SMTN: variants seen among roughly 807,000 people sequenced by gnomAD.
SMTN encodes smoothelin.
In SMTN, 58 loss-of-function variants were observed where a neutral mutation model predicts 102.0. The ratio of observed to expected loss-of-function variants is 0.57; its 90% CI spans 0.46 to 0.71. SMTN has a LOEUF of 0.71. Among genes scored for constraint, SMTN ranks in the 30% least tolerant of loss-of-function variants. SMTN has a pLI of 0.00. For synonymous variants in SMTN, 478 were observed against 497.9 expected, an observed-to-expected ratio of 0.96 and a Z score of 0.53; for missense variants, 1,185 against 1,241.7, an observed-to-expected ratio of 0.95 and a Z score of 0.69.
Position 31,104,360 on chromosome 22 carries a change from T to A in SMTN, c.*65T>A. The stretch of plus-strand genomic sequence containing the variant: ...CCCCTGGTGGAGGTGGACGACATGA[T>A]GATCATGGGCAAGAAGCCTGACCCC... On this transcript the variant is annotated 3_prime_UTR_variant, in exon 21 of 21. Coordinates refer to ENST00000333137, the MANE Select transcript of SMTN (RefSeq NM_134269.3). 6.2e-7 allele frequency: 1 copy of A among 1,614,126 alleles called. No individual in the cohort carries two copies. Among genetic ancestry groups the A allele is most frequent in the Non-Finnish European group, 8.5e-7 (1 of 1,180,000 alleles).
intron 15 of SMTN, 34 bp downstream of exon 15, chr22:31,097,094 G>A (rs2147775173): frequency 6.2e-7 from 1 of 1,602,790 alleles, no homozygotes; most frequent in Non-Finnish European, 8.5e-7. Context: ...GTGCCTGCCT[G>A]CCTGTCCGCC....
intron 11 of SMTN, chr22:31,093,929 C>A: frequency 1.6e-6 from 2 of 1,250,422 alleles, no homozygotes; most frequent in Non-Finnish European, 2.2e-6. Context: ...GCTCTGCCTC[C>A]TCTTGACTTT....
chr22:31,100,577 G>A (rs1475552365), intron 19 of SMTN, among the ~76,000 whole-genome samples: 6 of 143,616 alleles, frequency 4.2e-5, no homozygotes, highest in African/African-American at 1.0e-4. Context: ...CCCCCACCCC[G>A]CGTTCCCGCT....
At chr22:31,083,814 T>A (rs543218081) in intron 2 of SMTN, among the ~76,000 whole-genome samples, 1 of 152,238 alleles carries the variant, frequency 6.6e-6, no homozygotes, top group South Asian at 2.1e-4. Flanking sequence ...AGGACACCCA[T>A]CTAAGAAGGA....
At chr22:31,074,333 T>G (rs2042078003) in intron 1 of SMTN, among the ~76,000 whole-genome samples, 4 of 152,200 alleles carry the variant, frequency 2.6e-5, no homozygotes, top group Admixed American at 2.0e-4. Flanking sequence ...TGTGCCATGA[T>G]CGCACCACTG....
At chr22:31,086,100 C>T (rs2042680833) in intron 2 of SMTN, among the ~76,000 whole-genome samples, 1 of 152,214 alleles carries the variant, frequency 6.6e-6, no homozygotes, top group African/African-American at 2.4e-5. Context: ...AGGCCTGAGA[C>T]ACAGCCAGCA....
intron 3 of SMTN, 43 bp from the exon 4 acceptor site, chr22:31,088,470 C>T (rs754209290): frequency 6.4e-7 from 1 of 1,560,512 alleles, no homozygotes; most frequent in South Asian, 1.1e-5. Context: ...TCCTCCACGA[C>T]CTGGCCATGG....
At chr22:31,069,042 T>G (rs1849844821) in intron 1 of SMTN, among the ~76,000 whole-genome samples, 1 of 152,144 alleles carries the variant, frequency 6.6e-6, no homozygotes, top group South Asian at 2.1e-4. Flanking sequence ...TATGAAGCCC[T>G]AAGCGATTCA....
At chr22:31,079,058 C>A (rs1286934961), upstream of SMTN, among the ~76,000 whole-genome samples, 3 of 152,208 alleles carry the variant, frequency 2.0e-5, no homozygotes, top group Non-Finnish European at 4.4e-5. Context: ...CCTTCACCTC[C>A]CTGAGCTTCA....
chr22:31,080,287 C>T (rs1246332289), upstream of SMTN, among the ~76,000 whole-genome samples: 1 of 152,204 alleles, frequency 6.6e-6, no homozygotes, highest in Non-Finnish European at 1.5e-5. Flanking sequence ...GGTCTGGACT[C>T]AGAAGGTGCT....
chr22:31,095,191 T>C lies in SMTN; in HGVS notation c.1633-112T>C. On this transcript the variant is annotated intron_variant, in intron 11 of 20. Coordinates refer to ENST00000333137, the MANE Select transcript of SMTN (RefSeq NM_134269.3). The surrounding 1 kb of genome is among the most constrained non-coding windows in gnomAD (Gnocchi z 4.1). ...GGCAGGCAGGCTGGCAGGCTAGTGG[T>C]TATTTCCAAGGCGTGCCAGCAACCC... 8.9e-7 allele frequency: 1 copy of C among 1,127,708 alleles called. No homozygotes were observed. Among genetic ancestry groups the C allele is most frequent in the Non-Finnish European group, 1.3e-6 (1 of 789,384 alleles). 69.9% of individuals were successfully genotyped at this position (1,127,708 alleles called of 1,614,324 possible). A position where few individuals can be genotyped will look rare whatever the true frequency, so the allele number is the denominator to read the frequency against.
At chr22:31,103,275 A>G (rs1602691818) in intron 20 of SMTN, 1 of 152,324 alleles carries the variant, frequency 6.6e-6, no homozygotes, top group African/African-American at 2.4e-5. Context: ...TGCCATAGGA[A>G]ACTCATTCAG....
intron 19 of SMTN, among the ~76,000 whole-genome samples, chr22:31,100,534 C>T (rs1271032801): frequency 2.6e-5 from 4 of 151,992 alleles, no homozygotes; most frequent in African/African-American, 9.7e-5. Context: ...CGGGGCACAG[C>T]CCTCCTCTCC....
intron 1 of SMTN, among the ~76,000 whole-genome samples, chr22:31,074,725 A>C (rs2042087280): frequency 6.6e-6 from 1 of 152,178 alleles, no homozygotes; most frequent in African/African-American, 2.4e-5. Flanking sequence ...TGAACCCAGG[A>C]AGCGGAGGTT....
chr22:31,090,280 G>C (rs2043023729), intron 8 of SMTN, 100 bp downstream of exon 8: 1 of 930,356 alleles, frequency 1.1e-6, no homozygotes, highest in African/African-American at 1.7e-5. Flanking sequence ...GGCAGCTCTA[G>C]CTTCCTCAGG....
chr22:31,074,062 C>A (rs971615636), intron 1 of SMTN, among the ~76,000 whole-genome samples: 17 of 152,206 alleles, frequency 1.1e-4, no homozygotes, highest in African/African-American at 3.6e-4. Context: ...ACTGGCAATG[C>A]CACTTCCGTA....
intron 17 of SMTN, 53 bp from the exon 18 acceptor site, chr22:31,099,009 C>T (rs2043855246): frequency 1.9e-5 from 29 of 1,566,718 alleles, no homozygotes; most frequent in Non-Finnish European, 2.4e-5. Context: ...GGTGGGCCCA[C>T]CGAGGCATGC....
At position 31,104,532 on chromosome 22, in the gene SMTN, C is replaced by T; in HGVS notation, c.*237C>T. ...CCCACTCTCCGGGCACCGTCTCCTG[C>T]CTGTGCGTCCGCCCACCGCTGCCCT... On this transcript the variant is annotated 3_prime_UTR_variant, in exon 21 of 21. Coordinates refer to ENST00000333137, the MANE Select transcript of SMTN (RefSeq NM_134269.3). The T allele has an allele frequency of 1.3e-6, 2 of 1,541,916 alleles. No homozygotes were observed. Among genetic ancestry groups the T allele is most frequent in the Non-Finnish European group, 8.9e-7 (1 of 1,127,440 alleles).
Position 31,088,094 on chromosome 22 carries a change from A to G in SMTN, c.181A>G (p.Asn61Asp). Residue 61 changes from asparagine to aspartate, a missense_variant, in exon 3 of 21, where the codon AAC (asparagine) becomes GAC (aspartate). Physicochemically the swap from Asn to Asp is conservative, Grantham distance 23. Transcript: ENST00000333137. Reference sequence around the variant, plus strand: ...GCGTTTCCGTGCCGAGCGGCAGGACAACAAGGAGAACTGGCTGCAGTGAGT... The same window carrying G: ...GCGTTTCCGTGCCGAGCGGCAGGACGACAAGGAGAACTGGCTGCAGTGAGT... ...SKRFRAERQD[N>D]KENWLHSQQR... 1 of 1,604,966 alleles carries G rather than the reference A, an allele frequency of 6.2e-7. No individual in the cohort carries two copies. The highest frequency in any genetic ancestry group is 8.5e-7 in the Non-Finnish European group (1 of 1,173,912).
Sources: allele counts gnomAD v4.1 joint callset (sites outside exome capture counted in the v4.1 genomes callset), GRCh38; gene constraint gnomAD v4.1.1; non-coding constraint Gnocchi (gnomAD v3.1); transcripts MANE v1.5; gene names NCBI Gene and HGNC (gene_info 2026-07-23, HGNC 2026-07-21).